DEGS1: variants seen among roughly 807,000 people sequenced by gnomAD.
The protein encoded by DEGS1 is sphingolipid delta(4)-desaturase DES1.
A neutral mutation model predicts 24.1 loss-of-function variants in DEGS1; 17 were observed. The observed-to-expected ratio is 0.70, with a 90% CI of 0.48 to 1.06. DEGS1 has a LOEUF of 1.06. Ranked by LOEUF, DEGS1 falls within the 50% of genes least tolerant of loss-of-function variation. DEGS1 has a pLI of 0.00. For missense variants in DEGS1, 366 were observed against 408.9 expected (o/e 0.90, Z 0.91); for synonymous variants, 134 against 140.0 (o/e 0.96, Z 0.30).
rs1558211653 is a variant in DEGS1 at position 224,193,405 on chromosome 1, CATAA to C, written c.*933_*936del. ...CTGCTGAATCCTGTACAGCCTTACT[CATAA>C]ATAAAGTACTTACTGAATTTCCACC... On this transcript the variant is annotated 3_prime_UTR_variant, in exon 3 of 3. Transcript: ENST00000323699. 1 of 152,116 alleles carries C rather than the reference CATAA, an allele frequency of 6.6e-6. No individual in the cohort carries two copies. Among genetic ancestry groups the C allele is most frequent in the Non-Finnish European group, 1.5e-5 (1 of 68,020 alleles). The allele number at this position is 152,116 out of a possible 1,614,324, so 9.4% of individuals were successfully genotyped here.
Position 224,192,325 on chromosome 1 carries a change from C to G in DEGS1, c.826-7C>G. ...TTTTTCATCTTGCTGTATTTTTTCCCTTCTAGGTGAGGAAAATAGCAGCTG... is the reference window on the plus strand; with the variant it reads ...TTTTTCATCTTGCTGTATTTTTTCCGTTCTAGGTGAGGAAAATAGCAGCTG... On this transcript the variant is annotated splice_polypyrimidine_tract_variant and splice_region_variant and intron_variant, in intron 2 of 2. Transcript: ENST00000323699. 6.2e-7 allele frequency: 1 copy of G among 1,606,384 alleles called. No individual in the cohort carries two copies. Among genetic ancestry groups the G allele is most frequent in the Non-Finnish European group, 8.5e-7 (1 of 1,177,952 alleles).
chr1:224,183,385 C>T lies in DEGS1; in HGVS notation c.49C>T (p.Gln17Ter), dbSNP rs1156445260. Residue 17 changes from glutamine (Q) to a stop codon, truncating the protein, a stop_gained, in exon 1 of 3, where the codon CAG (glutamine) becomes TAG (stop). Coordinates refer to ENST00000323699, the MANE Select transcript of DEGS1 (RefSeq NM_003676.4). LOFTEE classifies it high-confidence loss of function. ...AGACTTCGAGTGGGTCTACACCGAC[C>T]AGCCGCACGCCGACCGGCGCCGGGA... ...REDFEWVYTD[Q>*]PHADRRREIL... The T allele has an allele frequency of 4.2e-6, 6 of 1,435,358 alleles. No individual in the cohort carries two copies. Among genetic ancestry groups the T allele is most frequent in the Non-Finnish European group, 5.5e-6 (6 of 1,084,994 alleles). The allele number at this position is 1,435,358 out of a possible 1,614,324, so 88.9% of individuals were successfully genotyped here.
rs1205059792 is a variant in DEGS1, at chr1:224,189,741, T to C, written c.247T>C (p.Ser83Pro). 6.2e-6 allele frequency: 10 copies of C among 1,614,194 alleles called. No homozygotes were observed. Among genetic ancestry groups the C allele is most frequent in the Non-Finnish European group, 8.5e-6 (10 of 1,180,034 alleles). ...AYAFGSCINHSMTLAIHEIAH... is the reference protein window; with the variant it reads ...AYAFGSCINHPMTLAIHEIAH... ...TGCGTTTGGCAGTTGCATTAACCAC[T>C]CAATGACTCTGGCTATTCATGAGAT... The change falls in exon 2 of 3, where the codon TCA becomes CCA. Residue 83 changes from serine to proline, a missense_variant. Ser to Pro is a moderately conservative substitution (Grantham distance 74, BLOSUM62 -1). Coordinates refer to ENST00000323699, the MANE Select transcript of DEGS1 (RefSeq NM_003676.4).
chr1:224,183,606 G>A (rs978745501), intron 1 of DEGS1, 188 bp downstream of exon 1: 2 of 382,274 alleles, frequency 5.2e-6, no homozygotes, highest in East Asian at 4.4e-5. Flanking sequence ...GCGAGGAGCG[G>A]GGGGAGGGAC....
At chr1:224,186,886 A>G (rs756633336) in intron 1 of DEGS1, among the ~76,000 whole-genome samples, 63 of 152,184 alleles carry the variant, frequency 4.1e-4, no homozygotes, top group Admixed American at 1.1e-3. Context: ...ATGATAAGAG[A>G]TCTTTCTGAA....
At chr1:224,183,727 C>T (rs953492910) in intron 1 of DEGS1, 8 of 250,874 alleles carry the variant, frequency 3.2e-5, no homozygotes. Flanking sequence ...GAAGGGTGTC[C>T]CCGGCTGTGC....
In DEGS1 at chr1:224,192,738, G is replaced by C. The variant is rs1658576284; in HGVS notation, c.*260G>C. ...TTCACTCATGTCTGTCATTTTATAA[G>C]CATATCATTTAAAAAGCTTCTAAAA... On this transcript the variant is annotated 3_prime_UTR_variant, in exon 3 of 3. Coordinates refer to ENST00000323699, the MANE Select transcript of DEGS1 (RefSeq NM_003676.4). 2 of 387,160 alleles carry C rather than the reference G, an allele frequency of 5.2e-6. No homozygotes were observed. Among genetic ancestry groups the C allele is most frequent in the African/African-American group, 2.2e-5 (1 of 46,446 alleles). The allele number at this position is 387,160 out of a possible 1,614,324, so 24.0% of individuals were successfully genotyped here.
Position 224,190,239 on chromosome 1 carries a change from C to T in DEGS1, c.745C>T (p.Leu249=). 1.3e-6 allele frequency: 2 copies of T among 1,515,864 alleles called. No individual in the cohort carries two copies. Among genetic ancestry groups the T allele is most frequent in the Non-Finnish European group, 1.8e-6 (2 of 1,135,352 alleles). 93.9% of individuals were successfully genotyped at this position (1,515,864 alleles called of 1,614,324 possible). A position where few individuals can be genotyped will look rare whatever the true frequency, so the allele number is the denominator to read the frequency against. The stretch of plus-strand genomic sequence containing the variant: ...TGAAACTTACTCATATTATGGGCCT[C>T]TGAATTTACTTACCTTCAATGTGGG... ...GHETYSYYGP[L]NLLTFNVGYH... Residue 249 remains leucine, a synonymous_variant, in exon 2 of 3, where the codon CTG becomes TTG. Transcript: ENST00000323699.
intron 1 of DEGS1, among the ~76,000 whole-genome samples, chr1:224,184,055 T>C (rs1658311393): frequency 6.6e-6 from 1 of 152,232 alleles, no homozygotes; most frequent in Admixed American, 6.5e-5. Flanking sequence ...TTCACGCCGC[T>C]TGTCCCATTG....
In DEGS1 at chr1:224,192,697, T is replaced by C. The variant is rs933272461; in HGVS notation, c.*219T>C. 7.0e-5 allele frequency: 34 copies of C among 487,644 alleles called. No individual in the cohort carries two copies. The highest frequency in any genetic ancestry group is 5.4e-4 in the Middle Eastern group (1 of 1,860). 30.2% of individuals were successfully genotyped at this position (487,644 alleles called of 1,614,324 possible). On this transcript the variant is annotated 3_prime_UTR_variant, in exon 3 of 3. Transcript: ENST00000323699. Reference sequence around the variant, plus strand: ...CAGGAAACTTGTGACTTGTGTATTATCGTCATTGAGGATGTTTCACTCATG... The same window carrying C: ...CAGGAAACTTGTGACTTGTGTATTACCGTCATTGAGGATGTTTCACTCATG...
chr1:224,183,640 C>T (rs1572038894), intron 1 of DEGS1: 1 of 336,810 alleles, frequency 3.0e-6, no homozygotes, highest in East Asian at 4.7e-5. Flanking sequence ...CGCGCAGCTC[C>T]GACCCTTCCG....
chr1:224,184,775 C>G (rs1572039746), intron 1 of DEGS1, among the ~76,000 whole-genome samples: 2 of 152,030 alleles, frequency 1.3e-5, no homozygotes, highest in African/African-American at 4.8e-5. Context: ...CTTGGCCTCC[C>G]GAAGTTTTGG....
In DEGS1 at chr1:224,189,854, T is replaced by C. The variant is rs1010774283; in HGVS notation, c.360T>C (p.Tyr120=). The C allele has an allele frequency of 4.3e-6, 7 of 1,614,254 alleles. No individual in the cohort carries two copies. The African/African-American group carries it at 8.0e-5, about 18-fold the overall frequency. Residue 120 remains tyrosine, a synonymous_variant, in exon 2 of 3, where the codon TAT becomes TAC. Coordinates refer to ENST00000323699, the MANE Select transcript of DEGS1 (RefSeq NM_003676.4). ...CTAATCTTCCTATTGGGATTCCATA[T>C]TCAATTTCCTTTAAGAGGTATCACA... ...MFANLPIGIP[Y]SISFKRYHMD... is the part of the protein sequence containing the mutation.
At position 224,193,404 on chromosome 1, in the gene DEGS1, TCATAAA is replaced by T. The variant is rs1242499384; in HGVS notation, c.*927_*932del. ...ACTGCTGAATCCTGTACAGCCTTACTCATAAATAAAGTACTTACTGAATTTCCACCA... is the reference window on the plus strand; with the variant it reads ...ACTGCTGAATCCTGTACAGCCTTACTTAAAGTACTTACTGAATTTCCACCA... On this transcript the variant is annotated 3_prime_UTR_variant, in exon 3 of 3. Coordinates refer to ENST00000323699, the MANE Select transcript of DEGS1 (RefSeq NM_003676.4). 1 of 152,238 alleles carries T rather than the reference TCATAAA, an allele frequency of 6.6e-6. No homozygotes were observed. The highest frequency in any genetic ancestry group is 2.4e-5 in the African/African-American group (1 of 41,470). 9.4% of individuals were successfully genotyped at this position (152,238 alleles called of 1,614,324 possible). A position where few individuals can be genotyped will look rare whatever the true frequency, so the allele number is the denominator to read the frequency against.
intron 2 of DEGS1, 63 bp from the exon 3 acceptor site, chr1:224,192,269 A>G (rs1038692958): frequency 6.3e-6 from 9 of 1,431,012 alleles, no homozygotes; most frequent in Non-Finnish European, 8.6e-6. Context: ...ACCATTCATC[A>G]GTCATCTTTG....
chr1:224,192,265 C>A, intron 2 of DEGS1, 67 bp from the exon 3 acceptor site: 1 of 1,387,558 alleles, frequency 7.2e-7, no homozygotes. Flanking sequence ...GTCAACCATT[C>A]ATCAGTCATC....
At chr1:224,192,286 C>T in intron 2 of DEGS1, 46 bp from the exon 3 acceptor site, 1 of 1,565,330 alleles carries the variant, frequency 6.4e-7, no homozygotes, top group African/African-American at 1.4e-5. Context: ...TTTGAAAGAA[C>T]CTAGTAACAC....
chr1:224,185,873 T>A (rs1658374456), intron 1 of DEGS1, among the ~76,000 whole-genome samples: 1 of 152,082 alleles, frequency 6.6e-6, no homozygotes, highest in African/African-American at 2.4e-5. Context: ...AAAAACCAAC[T>A]CTGGAATACT....
intron 2 of DEGS1, 27 bp downstream of exon 2, chr1:224,190,346 T>G (rs1658506467): frequency 3.5e-6 from 5 of 1,444,844 alleles, no homozygotes; most frequent in Non-Finnish European, 4.6e-6. Context: ...ATACATATTC[T>G]AATTTTGTTT....
Sources: gnomAD v4.1 joint callset for allele counts (sites outside exome capture counted in the v4.1 genomes callset) on GRCh38, gnomAD v4.1.1 for gene constraint, MANE v1.5 for transcripts, NCBI Gene and HGNC (gene_info 2026-07-23, HGNC 2026-07-21) for gene names.